U2AF2: variants seen among roughly 807,000 people sequenced by gnomAD.
U2AF2 encodes U2 small nuclear RNA auxiliary factor 2.
In U2AF2, 6 loss-of-function variants were observed where a neutral mutation model predicts 52.6. The observed-to-expected ratio is 0.11, with a 90% CI of 0.06 to 0.23. The LOEUF (loss-of-function observed/expected upper bound fraction) is 0.23, where lower values mean the gene tolerates loss of function less well. Ranked by LOEUF, U2AF2 falls within the 10% of genes least tolerant of loss-of-function variation. U2AF2 has a pLI of 1.00. For missense variants in U2AF2, 222 were observed against 677.1 expected (o/e 0.33, Z 7.46); for synonymous variants, 284 against 258.2 (o/e 1.10, Z -0.96).
chr19:55,660,282 CG>C (rs1265886674), intron 3 of U2AF2, 61 bp downstream of exon 3: 4 of 1,570,044 alleles, frequency 2.5e-6, no homozygotes, highest in Non-Finnish European at 3.5e-6. Context: ...TCCTCACGCC[CG>C]TGCACCCTGT....
chr19:55,672,426 A>G (rs1415382332), intron 11 of U2AF2, among the ~76,000 whole-genome samples: 2 of 151,598 alleles, frequency 1.3e-5, no homozygotes, highest in Non-Finnish European at 2.9e-5. Context: ...TTCTCAATTA[A>G]CATTTTGGGT....
chr19:55,662,311 C>G (rs1984263332), intron 5 of U2AF2, 191 bp from the exon 6 acceptor site: 1 of 468,094 alleles, frequency 2.1e-6, no homozygotes, highest in African/African-American at 2.0e-5. Context: ...CCCATTTTCT[C>G]TCTTGCTTCT....
intron 7 of U2AF2, among the ~76,000 whole-genome samples, chr19:55,664,375 T>C (rs781382332): frequency 2.0e-5 from 3 of 152,232 alleles, no homozygotes; most frequent in Non-Finnish European, 2.9e-5. Flanking sequence ...GGCTTTCCTG[T>C]GCTTCTCACA....
Position 55,668,444 on chromosome 19 carries a change from C to T in U2AF2, c.743-63C>T, listed in dbSNP as rs2123691837. ...TGGCAATTGAGGAGCTCGCCGTAGA[C>T]TGTCCAGGTTTTGGGAGATAACCTG... On this transcript the variant is annotated intron_variant, in intron 7 of 11. Transcript: ENST00000308924. This position sits in a 1 kb window ranked among gnomAD's most constrained non-coding sequence, Gnocchi z 5.5. 2.0e-6 allele frequency: 3 copies of T among 1,474,110 alleles called. No homozygotes were observed. The highest frequency in any genetic ancestry group is 2.8e-6 in the Non-Finnish European group (3 of 1,088,302). 91.3% of individuals were successfully genotyped at this position (1,474,110 alleles called of 1,614,324 possible). A position where few individuals can be genotyped will look rare whatever the true frequency, so the allele number is the denominator to read the frequency against.
intron 11 of U2AF2, among the ~76,000 whole-genome samples, chr19:55,673,422 C>G (rs1384091158): frequency 1.3e-5 from 2 of 151,946 alleles, no homozygotes; most frequent in African/African-American, 4.8e-5. Flanking sequence ...CCTTCCCTCC[C>G]TCCATTTTCC....
Position 55,674,603 on chromosome 19 carries a change from C to CT in U2AF2, c.*536dup, listed in dbSNP as rs1985180920. On this transcript the variant is annotated 3_prime_UTR_variant, in exon 12 of 12. Transcript: ENST00000308924. ...ACGTAGTTGATTTTTCCTCTTTAGT[C>CT]TCCCCCGACCTGCGCCCAGCCCCGT... The CT allele has an allele frequency of 6.5e-6, 1 of 153,590 alleles. No homozygotes were observed. Among genetic ancestry groups the CT allele is most frequent in the South Asian group, 1.9e-4 (1 of 5,352 alleles). The allele number at this position is 153,590 out of a possible 1,614,324, so 9.5% of individuals were successfully genotyped here.
At position 55,674,487 on chromosome 19, in the gene U2AF2, C is replaced by T. The variant is rs879812950; in HGVS notation, c.*419C>T. The T allele has an allele frequency of 1.2e-5, 2 of 166,458 alleles. No individual in the cohort carries two copies. The highest frequency in any genetic ancestry group is 2.4e-5 in the African/African-American group (1 of 41,668). 10.3% of individuals were successfully genotyped at this position (166,458 alleles called of 1,614,324 possible). A position where few individuals can be genotyped will look rare whatever the true frequency, so the allele number is the denominator to read the frequency against. The stretch of plus-strand genomic sequence containing the variant: ...GCCAAACTATTTTGAATTTTGTTGT[C>T]CGGCCCTCAGTGCCCTGCCCTCTCC... On this transcript the variant is annotated 3_prime_UTR_variant, in exon 12 of 12. Transcript: ENST00000308924.
rs1167409298 is a variant in U2AF2, at chr19:55,663,758, C to T, written c.742+14C>T. The stretch of plus-strand genomic sequence containing the variant: ...TCTATGTGCCTGGTGAGTGGGGGAT[C>T]CATTAAGGGCCCCTTTCTCCCCCAG... On this transcript the variant is annotated intron_variant, in intron 7 of 11. Transcript: ENST00000308924. 30 of 1,613,782 alleles carry T rather than the reference C, an allele frequency of 1.9e-5. No individual in the cohort carries two copies. Among genetic ancestry groups the T allele is most frequent in the Non-Finnish European group, 2.3e-5 (27 of 1,179,838 alleles).
chr19:55,657,347 C>T (rs1983860566), intron 1 of U2AF2, among the ~76,000 whole-genome samples: 1 of 152,230 alleles, frequency 6.6e-6, no homozygotes, highest in Non-Finnish European at 1.5e-5. Context: ...GCCCGCGTGT[C>T]ACTGCCTGTA....
Position 55,668,613 on chromosome 19 carries a change from C to CGG in U2AF2, c.822+28_822+29insGG. 1.3e-6 allele frequency: 2 copies of CGG among 1,598,582 alleles called. No homozygotes were observed. Among genetic ancestry groups the CGG allele is most frequent in the Non-Finnish European group, 1.7e-6 (2 of 1,169,280 alleles). On this transcript the variant is annotated intron_variant, in intron 8 of 11. Coordinates refer to ENST00000308924, the MANE Select transcript of U2AF2 (RefSeq NM_007279.3). This position sits in a 1 kb window ranked among gnomAD's most constrained non-coding sequence, Gnocchi z 5.5. ...TAACTTCCCTGCCTCCCTCCAGACCCGTCCCCCCACCCCGCCCCACCTCAT... is the reference window on the plus strand; with the variant it reads ...TAACTTCCCTGCCTCCCTCCAGACCCGGGTCCCCCCACCCCGCCCCACCTCAT...
intron 7 of U2AF2, among the ~76,000 whole-genome samples, chr19:55,664,735 T>C (rs1984433439): frequency 6.6e-6 from 1 of 152,132 alleles, no homozygotes; most frequent in Admixed American, 6.5e-5. Flanking sequence ...TTGTTGTTGT[T>C]TTGAGACAGT....
chr19:55,663,141 G>C (rs901485350), intron 6 of U2AF2, among the ~76,000 whole-genome samples: 1 of 152,122 alleles, frequency 6.6e-6, no homozygotes, highest in Admixed American at 6.5e-5. Context: ...GCTTACTGCA[G>C]AGATTTCTGA....
chr19:55,664,960 C>T (rs1045004610), intron 7 of U2AF2, among the ~76,000 whole-genome samples: 4 of 152,114 alleles, frequency 2.6e-5, no homozygotes, highest in African/African-American at 7.2e-5. Flanking sequence ...TCAAGTGATC[C>T]GCTCACCTCA....
chr19:55,655,169 T>C lies in U2AF2; in HGVS notation c.49+16T>C. ...AATAAACAAGGTGAGGGCACCGGGG[T>C]CGCGGGGCGGAGGTGTGGGCGGCTC... On this transcript the variant is annotated intron_variant, in intron 1 of 11. Coordinates refer to ENST00000308924, the MANE Select transcript of U2AF2 (RefSeq NM_007279.3). 1 of 1,601,074 alleles carries C rather than the reference T, an allele frequency of 6.2e-7. No individual in the cohort carries two copies. Among genetic ancestry groups the C allele is most frequent in the Non-Finnish European group, 8.5e-7 (1 of 1,174,800 alleles).
chr19:55,671,385 C>CGG (rs35092270), intron 11 of U2AF2: 1 of 113,892 alleles, frequency 8.8e-6, no homozygotes, highest in Non-Finnish European at 1.7e-5. Context: ...AGCACCTTGT[C>CGG]GGGGGTGAGC....
intron 3 of U2AF2, 141 bp from the exon 4 acceptor site, chr19:55,660,375 C>A: frequency 9.1e-7 from 1 of 1,101,250 alleles, no homozygotes; most frequent in Admixed American, 2.3e-5. Context: ...AGGCCCTGCC[C>A]CAGACCCTCT....
At position 55,660,105 on chromosome 19, in the gene U2AF2, G is replaced by T. The variant is rs190529403; in HGVS notation, c.186-72G>T. ...CCACCCTGGGGCTCAGTGCCCTTGG[G>T]GGGGTGTGGCATGTGGGGAAGACGA... On this transcript the variant is annotated intron_variant, in intron 2 of 11. Transcript: ENST00000308924. 380 of 1,479,580 alleles carry T rather than the reference G, an allele frequency of 2.6e-4. 3 individuals are homozygous for T. The East Asian group carries it at 6.0e-3, about 24-fold the overall frequency. 91.7% of individuals were successfully genotyped at this position (1,479,580 alleles called of 1,614,324 possible). A position where few individuals can be genotyped will look rare whatever the true frequency, so the allele number is the denominator to read the frequency against.
intron 6 of U2AF2, 150 bp downstream of exon 6, chr19:55,662,768 T>A: frequency 1.5e-6 from 1 of 676,382 alleles, no homozygotes; most frequent in Non-Finnish European, 2.6e-6. Context: ...AGCCCTGTTA[T>A]AGCATTACAG....
chr19:55,668,861 T>G lies in U2AF2; in HGVS notation c.945+69T>G. ...GCCCTGCGCTGTTGCCAAGCCATGG[T>G]CTCCCCTCCTCAGGGGACGGGGCGG... On this transcript the variant is annotated intron_variant, in intron 9 of 11. Transcript: ENST00000308924. The surrounding 1 kb of genome is among the most constrained non-coding windows in gnomAD (Gnocchi z 5.5). The G allele has an allele frequency of 6.4e-7, 1 of 1,565,228 alleles. No individual in the cohort carries two copies. The highest frequency in any genetic ancestry group is 8.7e-7 in the Non-Finnish European group (1 of 1,151,996).
Sources: allele counts gnomAD v4.1 joint callset (sites outside exome capture counted in the v4.1 genomes callset), GRCh38; gene constraint gnomAD v4.1.1; non-coding constraint Gnocchi (gnomAD v3.1); transcripts MANE v1.5; gene names NCBI Gene and HGNC (gene_info 2026-07-23, HGNC 2026-07-21).